SNTG1: variants seen among roughly 807,000 people sequenced by gnomAD.
SNTG1 encodes gamma-1-syntrophin.
Under a neutral mutation model 74.7 loss-of-function variants are expected in SNTG1, and 39 were observed. The observed-to-expected ratio is 0.52, with a 90% CI of 0.40 to 0.68. The LOEUF is 0.68. SNTG1 is among the 30% of genes least tolerant of loss of function. The probability of loss-of-function intolerance (pLI) is 0.00; values close to 1 mark genes in which losing one functional copy is unlikely to be tolerated. For missense variants in SNTG1, 685 were observed against 609.5 expected (o/e 1.12, Z -1.30); for synonymous variants, 254 against 217.1 (o/e 1.17, Z -1.49).
At chr8:50,462,137 C>T (rs1313045053) in intron 8 of SNTG1, among the ~76,000 whole-genome samples, 1 of 151,928 alleles carries the variant, frequency 6.6e-6, no homozygotes, top group Non-Finnish European at 1.5e-5. Flanking sequence ...ACCCCTAAAA[C>T]TATTGAAGTC....
chr8:50,733,033 C>G (rs766287967), intron 17 of SNTG1, among the ~76,000 whole-genome samples: 13 of 151,966 alleles, frequency 8.6e-5, no homozygotes, highest in Non-Finnish European at 1.6e-4. Flanking sequence ...GATCCTGCCA[C>G]TCAGACTGTG....
chr8:50,668,421 T>G (rs1459555734), intron 15 of SNTG1, among the ~76,000 whole-genome samples: 1 of 151,424 alleles, frequency 6.6e-6, no homozygotes, highest in African/African-American at 2.4e-5. Context: ...GTTTTGTTTT[T>G]TTTTCCAAGG....
chr8:50,550,694 T>C (rs2094419977), intron 11 of SNTG1, among the ~76,000 whole-genome samples: 1 of 110,482 alleles, frequency 9.1e-6, no homozygotes, highest in Non-Finnish European at 2.1e-5. Context: ...AGTGTGTGTG[T>C]ATATATATAT....
At chr8:49,974,686 AT>A (rs1812028246) in intron 1 of SNTG1, among the ~76,000 whole-genome samples, 1 of 151,000 alleles carries the variant, frequency 6.6e-6, no homozygotes, top group Non-Finnish European at 1.5e-5. Context: ...GAACTAGATC[AT>A]TTTAAGTACT....
chr8:50,110,652 G>A (rs1490205684), intron 1 of SNTG1, among the ~76,000 whole-genome samples: 2 of 152,058 alleles, frequency 1.3e-5, no homozygotes, highest in Non-Finnish European at 2.9e-5. Flanking sequence ...TTAAATCCAG[G>A]TAAACATATT....
At chr8:50,312,440 T>C (rs1330656441) in intron 2 of SNTG1, among the ~76,000 whole-genome samples, 1 of 138,144 alleles carries the variant, frequency 7.2e-6, no homozygotes, top group Non-Finnish European at 1.5e-5. Context: ...AAACATAATA[T>C]TTTTATGCAT....
chr8:50,186,417 T>C (rs4873129), intron 2 of SNTG1, among the ~76,000 whole-genome samples: 46,210 of 151,968 alleles, frequency 0.3, 7,182 homozygotes, highest in South Asian at 0.43. Flanking sequence ...AGAAATCACC[T>C]TAATTCAAAT....
intron 1 of SNTG1, among the ~76,000 whole-genome samples, chr8:50,154,844 G>T (rs991649068): frequency 8.5e-5 from 13 of 152,166 alleles, no homozygotes; most frequent in African/African-American, 2.7e-4. Context: ...ATGAAATCTT[G>T]CAGTGAAAGA....
chr8:50,154,270 C>A (rs1407380525), intron 1 of SNTG1, among the ~76,000 whole-genome samples: 1 of 152,136 alleles, frequency 6.6e-6, no homozygotes, highest in Non-Finnish European at 1.5e-5. Flanking sequence ...TTTGCTAAGA[C>A]CCTTGGAAAA....
At chr8:50,113,567 C>T (rs903162660) in intron 1 of SNTG1, among the ~76,000 whole-genome samples, 5 of 152,024 alleles carry the variant, frequency 3.3e-5, no homozygotes, top group Non-Finnish European at 5.9e-5. Flanking sequence ...TAATTGAATA[C>T]CCTTTATTTC....
At chr8:50,124,788 C>A (rs930005977) in intron 1 of SNTG1, among the ~76,000 whole-genome samples, 1 of 140,410 alleles carries the variant, frequency 7.1e-6, no homozygotes, top group Non-Finnish European at 1.6e-5. Context: ...GAAATTGGCC[C>A]TAGTAATTGA....
chr8:50,750,353 T>A (rs995698523), intron 17 of SNTG1, among the ~76,000 whole-genome samples: 8 of 152,052 alleles, frequency 5.3e-5, no homozygotes, highest in Admixed American at 3.9e-4. Flanking sequence ...ACCTACTTCT[T>A]ATGAAAATGC....
chr8:49,939,707 T>A (rs1808508169), intron 1 of SNTG1, among the ~76,000 whole-genome samples: 2 of 152,194 alleles, frequency 1.3e-5, no homozygotes, highest in African/African-American at 2.4e-5. Flanking sequence ...TCATTAAGCC[T>A]TTTAAAATAA....
At chr8:50,110,968 T>A (rs779857176) in intron 1 of SNTG1, among the ~76,000 whole-genome samples, 36 of 152,234 alleles carry the variant, frequency 2.4e-4, no homozygotes, top group Non-Finnish European at 3.4e-4. Context: ...GTTATTTCTA[T>A]GAAATTCAAA....
rs988075868 is a variant in SNTG1, at chr8:50,122,941, G to C, written c.-102-49620G>C. On this transcript the variant is annotated intron_variant, in intron 1 of 18. Coordinates refer to ENST00000642720, the MANE Select transcript of SNTG1 (RefSeq NM_018967.5). The stretch of plus-strand genomic sequence containing the variant: ...TTTATTTAACAAATATTTACATAGA[G>C]GCTTTTATGTGCTAAACACAAACAC... Among the ~76,000 whole-genome samples the C allele has an allele frequency of 1.4e-5, 2 of 142,486 alleles. 1 individual carries two copies. 93.5% of individuals were successfully genotyped at this position (142,486 alleles called of 152,430 possible).
intron 15 of SNTG1, among the ~76,000 whole-genome samples, chr8:50,682,613 T>A (rs1346811698): frequency 6.6e-6 from 1 of 152,186 alleles, no homozygotes; most frequent in Admixed American, 6.5e-5. Context: ...ACACTGGTTA[T>A]CCTCAGCCCT....
chr8:50,594,369 G>A (rs1344203227), intron 13 of SNTG1, among the ~76,000 whole-genome samples: 1 of 151,828 alleles, frequency 6.6e-6, no homozygotes, highest in Non-Finnish European at 1.5e-5. Flanking sequence ...AATTACCTGG[G>A]AGTAACATTA....
intron 15 of SNTG1, among the ~76,000 whole-genome samples, chr8:50,685,369 C>A (rs1212070589): frequency 6.6e-6 from 1 of 152,120 alleles, no homozygotes; most frequent in Admixed American, 6.5e-5. Flanking sequence ...CCATTATCTA[C>A]CTTATATAAG....
chr8:50,316,283 T>C (rs947572690), intron 2 of SNTG1, among the ~76,000 whole-genome samples: 2 of 152,144 alleles, frequency 1.3e-5, no homozygotes, highest in Non-Finnish European at 2.9e-5. Context: ...TTCAGTTTGA[T>C]CATGAAAGTT....
Sources: gnomAD v4.1 joint callset for allele counts (sites outside exome capture counted in the v4.1 genomes callset) on GRCh38, gnomAD v4.1.1 for gene constraint, MANE v1.5 for transcripts, NCBI Gene and HGNC (gene_info 2026-07-23, HGNC 2026-07-21) for gene names.